CDK18: variants seen among roughly 807,000 people sequenced by gnomAD.
CDK18 encodes the protein cyclin dependent kinase 18.
CDK18 carries 52 observed loss-of-function variants against 62.0 expected under a neutral mutation model. The observed-to-expected ratio is 0.84, with a 90% CI of 0.67 to 1.06. CDK18 has a LOEUF of 1.06. Among genes scored for constraint, CDK18 ranks in the 50% least tolerant of loss-of-function variants. The probability of loss-of-function intolerance (pLI) is 0.00; values close to 1 mark genes in which losing one functional copy is unlikely to be tolerated. For synonymous variants in CDK18, 237 were observed against 247.0 expected, an observed-to-expected ratio of 0.96 and a Z score of 0.38; for missense variants, 604 against 619.9, an observed-to-expected ratio of 0.97 and a Z score of 0.27.
At chr1:205,531,037 T>C (rs1668711765) in intron 15 of CDK18, among the ~76,000 whole-genome samples, 1 of 152,238 alleles carries the variant, frequency 6.6e-6, no homozygotes, top group Admixed American at 6.5e-5. Context: ...TCAATGGCCT[T>C]GGACATTGAC....
intron 1 of CDK18, among the ~76,000 whole-genome samples, chr1:205,510,786 G>A (rs981543211): frequency 6.6e-6 from 1 of 152,218 alleles, no homozygotes; most frequent in African/African-American, 2.4e-5. Context: ...TGAGGGTGCA[G>A]ACCAGGGGAT....
intron 2 of CDK18, 30 bp downstream of exon 2, chr1:205,523,327 TC>T: frequency 6.2e-7 from 1 of 1,613,558 alleles, no homozygotes; most frequent in Non-Finnish European, 8.5e-7. Flanking sequence ...CCAGCACCTC[TC>T]CCACCTACCA....
chr1:205,515,829 G>T (rs1183264893), intron 1 of CDK18, among the ~76,000 whole-genome samples: 1 of 152,182 alleles, frequency 6.6e-6, no homozygotes, highest in Non-Finnish European at 1.5e-5. Flanking sequence ...TGCCCAAATT[G>T]CTCCCGGAAG....
chr1:205,514,667 A>G (rs12561888), intron 1 of CDK18, among the ~76,000 whole-genome samples: 61,498 of 151,996 alleles, frequency 0.4, 12,978 homozygotes, highest in East Asian at 0.68. Context: ...AGGTTTAAAC[A>G]AGTCATCATG....
intron 1 of CDK18, among the ~76,000 whole-genome samples, chr1:205,511,979 G>A (rs534397187): frequency 6.6e-5 from 10 of 152,234 alleles, no homozygotes; most frequent in Non-Finnish European, 8.8e-5. Flanking sequence ...GCTTGAACCC[G>A]GGAGACAGAA....
At chr1:205,505,123 A>T (rs983621600) in intron 1 of CDK18, among the ~76,000 whole-genome samples, 1 of 152,096 alleles carries the variant, frequency 6.6e-6, no homozygotes, top group Non-Finnish European at 1.5e-5. Context: ...ATCTGGGATC[A>T]CTTTGGCCCC....
In CDK18 at chr1:205,530,646, T is replaced by C; in HGVS notation, c.1331T>C (p.Leu444Pro). ...CCCCCAGCTGCCTCCATCTTCTCCC[T>C]GAAGGAGATCCAGCTCCAGAAGGAC... ...QLEDTASIFS[L>P]KEIQLQKDPG... Residue 444 changes from leucine (L) to proline (P), a missense_variant, in exon 15 of 16, where the codon CTG becomes CCG. Physicochemically the swap from Leu to Pro is moderately conservative, Grantham distance 98. Coordinates refer to ENST00000429964, the MANE Select transcript of CDK18 (RefSeq NM_212502.3). 1 of 1,614,014 alleles carries C rather than the reference T, an allele frequency of 6.2e-7. No individual in the cohort carries two copies. The highest frequency in any genetic ancestry group is 8.5e-7 in the Non-Finnish European group (1 of 1,180,006).
intron 1 of CDK18, among the ~76,000 whole-genome samples, chr1:205,510,035 G>T (rs1667492231): frequency 1.3e-5 from 2 of 151,240 alleles, no homozygotes; most frequent in Middle Eastern, 3.4e-3. Flanking sequence ...AGCCAGGATT[G>T]TACCACTGCA....
Position 205,529,086 on chromosome 1 carries a change from TC to T in CDK18, c.1063del (p.Arg355AlafsTer14). 1 of 1,580,580 alleles carries T rather than the reference TC, an allele frequency of 6.3e-7. No homozygotes were observed. Among genetic ancestry groups the T allele is most frequent in the Non-Finnish European group, 8.6e-7 (1 of 1,163,030 alleles). Reference sequence around the variant, plus strand: ...TCAAGGAGGAGCTGCACCTCATCTTTCGCCTCCTCGGTCAGTCTCCCGCTGC... The same window carrying T: ...TCAAGGAGGAGCTGCACCTCATCTTTGCCTCCTCGGTCAGTCTCCCGCTGC... ...TVKEELHLIFRLLGTPTEETW... is the reference protein window; with the variant it reads ...TVKEELHLIFXLLGTPTEETW... On this transcript the variant is annotated frameshift_variant, in exon 11 of 16. Coordinates refer to ENST00000429964, the MANE Select transcript of CDK18 (RefSeq NM_212502.3). LOFTEE classifies it high-confidence loss of function.
In CDK18 at chr1:205,517,832, C is replaced by T. The variant is rs1575056833; in HGVS notation, c.-21-5315C>T. Among the ~76,000 whole-genome samples the T allele has an allele frequency of 6.6e-6, 1 of 152,096 alleles. No homozygotes were observed. The highest frequency in any genetic ancestry group is 2.4e-5 in the African/African-American group (1 of 41,386). ...CAGCCTCCTGCCCGGGCTCCCTGCT[C>T]TCCCCTTGCTCCCCTTGTCTGTTCT... is the stretch of plus-strand genomic sequence containing the variant. On this transcript the variant is annotated intron_variant, in intron 1 of 15. Transcript: ENST00000429964. The surrounding 1 kb of genome is among the most constrained non-coding windows in gnomAD (Gnocchi z 4.1).
At chr1:205,522,979 A>T in intron 1 of CDK18, 168 bp from the exon 2 acceptor site, 1 of 644,480 alleles carries the variant, frequency 1.6e-6, no homozygotes, top group East Asian at 2.8e-5. Flanking sequence ...GAGGGTGAAC[A>T]CCCACCCTCA....
chr1:205,529,288 C>G (rs377402321), intron 11 of CDK18, 36 bp from the exon 12 acceptor site: 1 of 1,568,422 alleles, frequency 6.4e-7, no homozygotes, highest in Non-Finnish European at 8.8e-7. Context: ...CCCTGGGCCT[C>G]ACGCAGGCCC....
At chr1:205,511,736 G>A (rs112641998) in intron 1 of CDK18, among the ~76,000 whole-genome samples, 1 of 152,150 alleles carries the variant, frequency 6.6e-6, no homozygotes, top group African/African-American at 2.4e-5. Flanking sequence ...TTTACAAACT[G>A]TACACATCTG....
chr1:205,528,556 GA>G lies in CDK18; in HGVS notation c.974+393del. On this transcript the variant is annotated intron_variant, in intron 10 of 15. Coordinates refer to ENST00000429964, the MANE Select transcript of CDK18 (RefSeq NM_212502.3). The surrounding 1 kb of genome is among the most constrained non-coding windows in gnomAD (Gnocchi z 4.2). Reference sequence around the variant, plus strand: ...ACAAGTGTATGATTTGGTGTAAAATGAAAAATCAGCCCAAATTGCAAGCCAA... The same window carrying G: ...ACAAGTGTATGATTTGGTGTAAAATGAAAATCAGCCCAAATTGCAAGCCAA... 1 of 242,060 alleles carries G rather than the reference GA, an allele frequency of 4.1e-6. No individual in the cohort carries two copies. Among genetic ancestry groups the G allele is most frequent in the South Asian group, 1.4e-4 (1 of 7,154 alleles). The allele number at this position is 242,060 out of a possible 1,614,324, so 15.0% of individuals were successfully genotyped here.
intron 1 of CDK18, among the ~76,000 whole-genome samples, chr1:205,515,613 GT>G (rs1297201509): frequency 1.3e-5 from 2 of 152,194 alleles, no homozygotes; most frequent in Non-Finnish European, 2.9e-5. Flanking sequence ...GGCATGGGGT[GT>G]TTTTTCAGGT....
chr1:205,506,709 A>C (rs1306800366), intron 1 of CDK18, among the ~76,000 whole-genome samples: 1 of 152,086 alleles, frequency 6.6e-6, no homozygotes, highest in Admixed American at 6.5e-5. Context: ...CATTGTGGGG[A>C]GGTTCCGGCC....
rs1452861500 is a variant in CDK18 at position 205,527,980 on chromosome 1, G to T, written c.853+63G>T. ...GGGTGCCTCAGGGTGTGGGTGCAGT[G>T]GGGGAGGGCATAGCAGTCAACCCCA... On this transcript the variant is annotated intron_variant, in intron 9 of 15. Coordinates refer to ENST00000429964, the MANE Select transcript of CDK18 (RefSeq NM_212502.3). The surrounding 1 kb of genome is among the most constrained non-coding windows in gnomAD (Gnocchi z 4.1). 1 of 1,613,018 alleles carries T rather than the reference G, an allele frequency of 6.2e-7. No individual in the cohort carries two copies. Among genetic ancestry groups the T allele is most frequent in the Non-Finnish European group, 8.5e-7 (1 of 1,179,206 alleles).
Position 205,526,005 on chromosome 1 carries a change from A to G in CDK18, c.457-60A>G. 3 of 1,260,564 alleles carry G rather than the reference A, an allele frequency of 2.4e-6. 1 individual carries two copies. The highest frequency in any genetic ancestry group is 3.4e-6 in the Non-Finnish European group (3 of 881,934). 78.1% of individuals were successfully genotyped at this position (1,260,564 alleles called of 1,614,324 possible). ...CAGGCAGAGGCACAAATGGGGAGGC[A>G]CTGGACAGAGGCCAGCAGCACCTGA... On this transcript the variant is annotated intron_variant, in intron 5 of 15. Coordinates refer to ENST00000429964, the MANE Select transcript of CDK18 (RefSeq NM_212502.3).
chr1:205,527,517 G>T lies in CDK18; in HGVS notation c.730-277G>T. 18 of 371,638 alleles carry T rather than the reference G, an allele frequency of 4.8e-5. No individual in the cohort carries two copies. Among genetic ancestry groups the T allele is most frequent in the East Asian group, 1.5e-4 (3 of 19,484 alleles). The allele number at this position is 371,638 out of a possible 1,614,324, so 23.0% of individuals were successfully genotyped here. A position where few individuals can be genotyped will look rare whatever the true frequency, so the allele number is the denominator to read the frequency against. ...AAAAAAAAAGGGATCAAGCACATAT[G>T]TCTCCACATAGGCGGGCATCCTGAC... On this transcript the variant is annotated intron_variant, in intron 8 of 15. Coordinates refer to ENST00000429964, the MANE Select transcript of CDK18 (RefSeq NM_212502.3). The surrounding 1 kb of genome is among the most constrained non-coding windows in gnomAD (Gnocchi z 4.1).
Sources: gnomAD v4.1 joint callset for allele counts (sites outside exome capture counted in the v4.1 genomes callset) on GRCh38, gnomAD v4.1.1 for gene constraint, Gnocchi (gnomAD v3.1) non-coding constraint, MANE v1.5 for transcripts, NCBI Gene and HGNC (gene_info 2026-07-23, HGNC 2026-07-21) for gene names.